MYO15B: variants seen among roughly 807,000 people sequenced by gnomAD.
MYO15B encodes myosin XVB.
In MYO15B, 207 loss-of-function variants were observed where a neutral mutation model predicts 119.3. That is an observed-to-expected ratio of 1.73 (90% CI 1.55 to 1.95). MYO15B has a LOEUF of 1.95. Ranked by LOEUF, MYO15B falls within the 30% of genes most tolerant of loss-of-function variation. The pLI is 0.00. For missense variants in MYO15B, 2,264 were observed against 1,203.1 expected (o/e 1.88, Z -13.04); for synonymous variants, 966 against 498.9 (o/e 1.94, Z -12.48).
rs1055199112 is a variant in MYO15B, at chr17:75,617,807, C to T, written c.6815-3C>T. ...AGGCTCCTCACCCCCTCCTCTCTGC[C>T]AGGCTTGACACAGCCCGTGGAGGAC... On this transcript the variant is annotated splice_region_variant and splice_polypyrimidine_tract_variant and intron_variant, in intron 41 of 63. Transcript: ENST00000645453. The T allele has an allele frequency of 5.7e-6, 4 of 700,872 alleles. No homozygotes were observed. The African/African-American group carries it at 7.0e-5, about 12-fold the overall frequency. 43.4% of individuals were successfully genotyped at this position (700,872 alleles called of 1,614,324 possible).
intron 23 of MYO15B, 126 bp from the exon 24 acceptor site, chr17:75,611,468 CAAAAAAA>C (rs11410750): frequency 1.2e-4 from 55 of 472,616 alleles, no homozygotes; most frequent in Admixed American, 3.9e-4. Flanking sequence ...GACCCTGCCT[CAAAAAAA>C]AAAAAAAAAA....
At chr17:75,620,596 A>G (rs1598911477) in exon 49 of MYO15B, 2 of 702,434 alleles carry the variant, frequency 2.8e-6, no homozygotes, top group South Asian at 3.0e-5. Flanking sequence ...CAGCTGTCCA[A>G]CGGGGAACCA....
chr17:75,591,644 G>A, exon 5 of MYO15B: 1 of 702,886 alleles, frequency 1.4e-6, no homozygotes, highest in Non-Finnish European at 2.6e-6. Flanking sequence ...GAAGACGGAA[G>A]CCGCCAAAAA....
chr17:75,594,378 G>C, intron 9 of MYO15B, 97 bp from the exon 10 acceptor site: 1 of 559,694 alleles, frequency 1.8e-6, no homozygotes, highest in Non-Finnish European at 3.2e-6. Flanking sequence ...CCCCTTTGGT[G>C]ACAGGGCCAC....
intron 30 of MYO15B, 90 bp from the exon 31 acceptor site, chr17:75,614,493 G>GGTGA: frequency 1.5e-6 from 1 of 673,880 alleles, no homozygotes; most frequent in Non-Finnish European, 2.7e-6. Context: ...CCAACCATGG[G>GGTGA]GTGACCCCCG....
At chr17:75,609,443 G>A (rs1238734634) in intron 21 of MYO15B, among the ~76,000 whole-genome samples, 1 of 151,168 alleles carries the variant, frequency 6.6e-6, no homozygotes, top group Non-Finnish European at 1.5e-5. Context: ...TTAGAGTGCT[G>A]GGATTACAGG....
exon 36 of MYO15B, chr17:75,615,820 GGAAGCCCCCCACACCCCCGGA>G: frequency 1.4e-6 from 1 of 702,596 alleles, no homozygotes; most frequent in Non-Finnish European, 2.6e-6. Flanking sequence ...TCCAAGCCCA[GGAAGCCCCCCACACCCCCGGA>G]GAAGCCACAG....
At chr17:75,616,920 C>T (rs1427958276) in exon 40 of MYO15B, 3 of 702,974 alleles carry the variant, frequency 4.3e-6, no homozygotes, top group Middle Eastern at 2.3e-4. Flanking sequence ...GGACGAGGCT[C>T]TGGCCAAGCT....
chr17:75,613,360 G>A (rs1395450300), exon 28 of MYO15B: 1 of 675,486 alleles, frequency 1.5e-6, no homozygotes, highest in East Asian at 2.7e-5. Flanking sequence ...GGGGGCCTTG[G>A]AGCAGTCGCA....
intron 24 of MYO15B, 44 bp from the exon 25 acceptor site, chr17:75,611,842 C>T (rs1294360517): frequency 1.9e-5 from 13 of 701,248 alleles, no homozygotes; most frequent in South Asian, 1.0e-4. Context: ...GGCCAGGTAC[C>T]ACACCTGGAT....
At chr17:75,588,151 G>C (rs1022414790) in exon 1 of MYO15B, 14 of 397,964 alleles carry the variant, frequency 3.5e-5, no homozygotes, top group African/African-American at 2.9e-4. Flanking sequence ...CAGCGCGGAT[G>C]GCGCGCCCAG....
chr17:75,591,706 G>A (rs1245695740), exon 5 of MYO15B: 1 of 702,720 alleles, frequency 1.4e-6, no homozygotes, highest in South Asian at 1.5e-5. Flanking sequence ...GGAACCGAGA[G>A]TGTCAGGTGA....
At position 75,589,577 on chromosome 17, in the gene MYO15B, T is replaced by G. The variant is rs1016691026; in HGVS notation, c.1520T>G (p.Leu507Arg). 9 of 398,560 alleles carry G rather than the reference T, an allele frequency of 2.3e-5. No individual in the cohort carries two copies. The highest frequency in any genetic ancestry group is 3.1e-5 in the Non-Finnish European group (7 of 226,152). 24.7% of individuals were successfully genotyped at this position (398,560 alleles called of 1,614,324 possible). A position where few individuals can be genotyped will look rare whatever the true frequency, so the allele number is the denominator to read the frequency against. ...TTGCGCCTGGCTGGCTTAGCAGGGC[T>G]GGGGGGTATGCCGAGGGCTTCCCCT... Residue 507 changes from leucine to arginine, a missense_variant, in exon 1 of 64, where the codon CTG (leucine) becomes CGG (arginine). Physicochemically the swap from Leu to Arg is moderately radical, Grantham distance 102 (BLOSUM62 -2). Coordinates refer to ENST00000645453, the Ensembl canonical transcript of MYO15B. This position sits in a 1 kb window ranked among gnomAD's most constrained non-coding sequence, Gnocchi z 4.2.
chr17:75,613,817 ACCCTTGT>A (rs2058185873), intron 29 of MYO15B, 40 bp downstream of exon 29: 1 of 682,204 alleles, frequency 1.5e-6, no homozygotes. Flanking sequence ...GGCCAAAGTG[ACCCTTGT>A]CCTATACCCT....
At chr17:75,602,447 G>A (rs1044520137) in intron 15 of MYO15B, 70 bp from the exon 16 acceptor site, 11 of 702,640 alleles carry the variant, frequency 1.6e-5, no homozygotes, top group Admixed American at 6.0e-5. Flanking sequence ...TCCATATCCA[G>A]CCTCCCCTCC....
intron 14 of MYO15B, among the ~76,000 whole-genome samples, chr17:75,600,322 C>T (rs369961578): frequency 7.3e-5 from 11 of 151,278 alleles, no homozygotes; most frequent in Non-Finnish European, 1.0e-4. Flanking sequence ...CCACCGCGTC[C>T]GGCCTAAGAG....
intron 21 of MYO15B, chr17:75,607,128 G>T: frequency 2.5e-6 from 1 of 393,792 alleles, no homozygotes; most frequent in East Asian, 3.6e-5. Context: ...AGTGAAGACA[G>T]TGCAGAACAT....
At chr17:75,612,603 T>C (rs1308447540) in intron 25 of MYO15B, among the ~76,000 whole-genome samples, 195 bp from the exon 26 acceptor site, 2 of 151,406 alleles carry the variant, frequency 1.3e-5, no homozygotes, top group African/African-American at 4.9e-5. Context: ...AGGTGGAGGC[T>C]GCAGTGAGCT....
intron 43 of MYO15B, among the ~76,000 whole-genome samples, chr17:75,618,909 A>G (rs1047583276): frequency 6.6e-6 from 1 of 152,156 alleles, no homozygotes; most frequent in African/African-American, 2.4e-5. Flanking sequence ...GCAGTGAGTG[A>G]AAAGGGAGGG....
Sources: gnomAD v4.1 joint callset for allele counts (sites outside exome capture counted in the v4.1 genomes callset) on GRCh38, gnomAD v4.1.1 for gene constraint, Gnocchi (gnomAD v3.1) non-coding constraint, MANE v1.5 for transcripts, NCBI Gene and HGNC (gene_info 2026-07-23, HGNC 2026-07-21) for gene names.